KRT4: variants seen among roughly 807,000 people sequenced by gnomAD.
KRT4 encodes keratin 4.
Under a neutral mutation model 50.6 loss-of-function variants are expected in KRT4, and 47 were observed. That is an observed-to-expected ratio of 0.93 (90% CI 0.73 to 1.18). The LOEUF (loss-of-function observed/expected upper bound fraction) is 1.18. KRT4 is among the 50% of genes most tolerant of loss of function. The pLI, the probability that KRT4 is intolerant of heterozygous loss-of-function variation, is 0.00. For synonymous variants in KRT4, 254 were observed against 251.2 expected (o/e 1.01, Z -0.10); for missense variants, 651 against 645.7 (o/e 1.01, Z -0.09).
rs184774123 is a variant in KRT4 at position 52,813,014 on chromosome 12, C to T, written c.462+583G>A. Among the ~76,000 whole-genome samples, 110 of 152,218 alleles carry T rather than the reference C, an allele frequency of 7.2e-4. 1 individual carries two copies. Among genetic ancestry groups the T allele is most frequent in the African/African-American group, 2.6e-3 (107 of 41,522 alleles). On this transcript the variant is annotated intron_variant, in intron 1 of 8. Transcript: ENST00000551956. ...AGCTTAAAGAACTTGAACTTCTAGA[C>T]GTTGCATGAAAAAGGAAGTTGGGCT...
chr12:52,811,779 C>T lies in KRT4; in HGVS notation c.661G>A (p.Glu221Lys), dbSNP rs1220477899. 1 of 1,613,366 alleles carries T rather than the reference C, an allele frequency of 6.2e-7. No individual in the cohort carries two copies. Among genetic ancestry groups the T allele is most frequent in the Admixed American group, 1.7e-5 (1 of 60,020 alleles). Residue 221 changes from glutamate (E) to lysine (K), a missense_variant, in exon 2 of 9, where the codon GAG (glutamate) becomes AAG (lysine). By Grantham distance (56) the Glu-to-Lys change is moderately conservative. Coordinates refer to ENST00000551956, the MANE Select transcript of KRT4 (RefSeq NM_002272.4). Reference protein sequence around the residue: ...SELKTMQDSVEDFKTKYEEEI... With the variant: ...SELKTMQDSVKDFKTKYEEEI... ...CCCATGTACTTAGTCTTGAAGTCCTCCACGCTGTCCTGCATGGTCTTCAGC... is the reference window on the plus strand; with the variant it reads ...CCCATGTACTTAGTCTTGAAGTCCTTCACGCTGTCCTGCATGGTCTTCAGC...
chr12:52,811,044 A>G, intron 2 of KRT4: 1 of 536,530 alleles, frequency 1.9e-6, no homozygotes, highest in South Asian at 2.2e-5. Flanking sequence ...AACTTTAAAG[A>G]GACTGTTTTC....
intron 5 of KRT4, 72 bp from the exon 6 acceptor site, chr12:52,808,491 A>C: frequency 6.3e-7 from 1 of 1,599,442 alleles, no homozygotes; most frequent in Non-Finnish European, 8.6e-7. Flanking sequence ...AAGTGAACTC[A>C]GTGAGAATTG....
chr12:52,807,592 A>T, intron 7 of KRT4, 52 bp downstream of exon 7: 1 of 1,592,084 alleles, frequency 6.3e-7, no homozygotes. Context: ...AAATAAGCTC[A>T]TGGCCCTGGA....
At position 52,807,345 on chromosome 12, in the gene KRT4, T is replaced by C; in HGVS notation, c.1381+14A>G. The C allele has an allele frequency of 6.2e-7, 1 of 1,614,092 alleles. No individual in the cohort carries two copies. The highest frequency in any genetic ancestry group is 8.5e-7 in the Non-Finnish European group (1 of 1,180,006). Reference sequence around the variant, plus strand: ...GGTGAATGAACAACTACAGCAGGCGTGGAAGGTACTTACAGATGCTCACGG... The same window carrying C: ...GGTGAATGAACAACTACAGCAGGCGCGGAAGGTACTTACAGATGCTCACGG... On this transcript the variant is annotated intron_variant, in intron 8 of 8. Coordinates refer to ENST00000551956, the MANE Select transcript of KRT4 (RefSeq NM_002272.4).
chr12:52,808,508 G>T, intron 5 of KRT4, 89 bp from the exon 6 acceptor site: 2 of 1,585,558 alleles, frequency 1.3e-6, no homozygotes, highest in Non-Finnish European at 1.7e-6. Flanking sequence ...ATTGCCACAG[G>T]TGGCAAGAAT....
chr12:52,811,604 C>T, intron 2 of KRT4, 159 bp downstream of exon 2: 1 of 660,164 alleles, frequency 1.5e-6, no homozygotes, highest in East Asian at 2.7e-5. Context: ...AGACCTCACC[C>T]TGAGAAAACG....
rs1164099695 is a variant in KRT4, at chr12:52,813,587, C to T, written c.462+10G>A. The T allele has an allele frequency of 2.5e-6, 4 of 1,612,814 alleles. No homozygotes were observed. Among genetic ancestry groups the T allele is most frequent in the African/African-American group, 1.3e-5 (1 of 74,806 alleles). On this transcript the variant is annotated intron_variant, in intron 1 of 8. Transcript: ENST00000551956. Reference sequence around the variant, plus strand: ...CTAACTGCCCCTCTCCAGCCGAGGACACAGCTCACCTTGTCGATGAAGGAG... The same window carrying T: ...CTAACTGCCCCTCTCCAGCCGAGGATACAGCTCACCTTGTCGATGAAGGAG...
Position 52,808,799 on chromosome 12 carries a change from T to A in KRT4, c.886A>T (p.Met296Leu). Reference sequence around the variant, plus strand: ...AGGTCCAGGTTGCGGTTGTTGTCCATGGAAAGGACCACGGACGTGTCGCTG... The same window carrying A: ...AGGTCCAGGTTGCGGTTGTTGTCCAAGGAAAGGACCACGGACGTGTCGCTG... ...HVSDTSVVLS[M>L]DNNRNLDLDS... Residue 296 changes from methionine (M) to leucine (L), a missense_variant, in exon 5 of 9, where the codon ATG becomes TTG. Met to Leu is a conservative substitution (Grantham distance 15). Transcript: ENST00000551956. 6.2e-7 allele frequency: 1 copy of A among 1,614,174 alleles called. No individual in the cohort carries two copies.
At position 52,811,751 on chromosome 12, in the gene KRT4, C is replaced by T. The variant is rs1303268107; in HGVS notation, c.677+12G>A. The T allele has an allele frequency of 1.2e-6, 2 of 1,605,964 alleles. No individual in the cohort carries two copies. Among genetic ancestry groups the T allele is most frequent in the Middle Eastern group, 4.0e-4 (2 of 5,048 alleles). ...TGTGTCAGATGGCGTCCCCTCCTTCCTCCCCATGTACTTAGTCTTGAAGTC... is the reference window on the plus strand; with the variant it reads ...TGTGTCAGATGGCGTCCCCTCCTTCTTCCCCATGTACTTAGTCTTGAAGTC... On this transcript the variant is annotated intron_variant, in intron 2 of 8. Coordinates refer to ENST00000551956, the MANE Select transcript of KRT4 (RefSeq NM_002272.4).
intron 2 of KRT4, chr12:52,811,529 T>C (rs1939909757): frequency 1.8e-6 from 1 of 551,288 alleles, no homozygotes; most frequent in Non-Finnish European, 3.3e-6. Flanking sequence ...ATCTTGTTCG[T>C]ATATGGCAGA....
chr12:52,807,188 AC>A lies in KRT4; in HGVS notation c.1443del (p.Phe482LeufsTer3). ...GAGCCAAAGCCACTACTCAGGCCAAACCCGGAGCCACTTCCTAATCCTCCGC... is the reference window on the plus strand; with the variant it reads ...GAGCCAAAGCCACTACTCAGGCCAAACCGGAGCCACTTCCTAATCCTCCGC... ...GISGGLGSGSGFGLSSGFGSG... is the reference protein window; with the variant it reads ...GISGGLGSGSXFGLSSGFGSG... On this transcript the variant is annotated frameshift_variant, in exon 9 of 9. Transcript: ENST00000551956. LOFTEE classifies it low-confidence loss of function (END_TRUNC). 2 of 1,614,092 alleles carry A rather than the reference AC, an allele frequency of 1.2e-6. No homozygotes were observed. The highest frequency in any genetic ancestry group is 1.7e-6 in the Non-Finnish European group (2 of 1,179,998).
At position 52,808,688 on chromosome 12, in the gene KRT4, T is replaced by G; in HGVS notation, c.997A>C (p.Lys333Gln). The G allele has an allele frequency of 1.2e-6, 2 of 1,614,058 alleles. No individual in the cohort carries two copies. The highest frequency in any genetic ancestry group is 1.1e-5 in the South Asian group (1 of 91,080). The change falls in exon 5 of 9, where the codon AAG becomes CAG. Residue 333 changes from lysine (K) to glutamine (Q), a missense_variant and splice_region_variant. Coordinates refer to ENST00000551956, the MANE Select transcript of KRT4 (RefSeq NM_002272.4). ...KAEAEALYQT[K>Q]VQQLQISVDQ... Reference sequence around the variant, plus strand: ...CCTGAGAGATCCATACCACCCACCTTGGTCTGGTACAGGGCTTCAGCCTCA... The same window carrying G: ...CCTGAGAGATCCATACCACCCACCTGGGTCTGGTACAGGGCTTCAGCCTCA...
In KRT4 at chr12:52,813,714, G is replaced by A. The variant is rs774272642; in HGVS notation, c.345C>T (p.Asn115=). ...PAGGIQEVTI[N]QSLLTPLHVE... is the part of the protein sequence containing the mutation. ...CGTGGAGGGGGGTGAGCAAGCTCTG[G>A]TTGATGGTGACCTCCTGAATTCCCC... Residue 115 remains asparagine (N), a synonymous_variant, in exon 1 of 9, where the codon AAC becomes AAT. Coordinates refer to ENST00000551956, the MANE Select transcript of KRT4 (RefSeq NM_002272.4). 6.2e-7 allele frequency: 1 copy of A among 1,614,024 alleles called. No individual in the cohort carries two copies. Among genetic ancestry groups the A allele is most frequent in the African/African-American group, 1.3e-5 (1 of 74,936 alleles).
chr12:52,806,934 G>C lies in KRT4; in HGVS notation c.*135C>G. ...ACAGAAGATCATCCTGGGGCAGAGAGAGCCCATGGGATAGTGGAGGGGATA... is the reference window on the plus strand; with the variant it reads ...ACAGAAGATCATCCTGGGGCAGAGACAGCCCATGGGATAGTGGAGGGGATA... On this transcript the variant is annotated 3_prime_UTR_variant, in exon 9 of 9. Transcript: ENST00000551956. The C allele has an allele frequency of 1.2e-6, 1 of 856,126 alleles. No homozygotes were observed. The allele number at this position is 856,126 out of a possible 1,614,324, so 53.0% of individuals were successfully genotyped here. A position where few individuals can be genotyped will look rare whatever the true frequency, so the allele number is the denominator to read the frequency against.
At chr12:52,812,727 T>C (rs1939934015) in intron 1 of KRT4, among the ~76,000 whole-genome samples, 1 of 152,258 alleles carries the variant, frequency 6.6e-6, no homozygotes, top group Non-Finnish European at 1.5e-5. Flanking sequence ...CACATCTGCA[T>C]GTCCTATAGT....
At position 52,807,827 on chromosome 12, in the gene KRT4, T is replaced by A. The variant is rs1939828728; in HGVS notation, c.1163A>T (p.Gln388Leu). ...TLQVSVADAE[Q>L]RGENALKDAH... is the part of the protein sequence containing the mutation. ...ATCTTTAAGGGCATTCTCACCTCGC[T>A]GCTCTGCATCAGCCACGGATACCTG... is the stretch of plus-strand genomic sequence containing the variant. The change falls in exon 7 of 9, where the codon CAG becomes CTG. Residue 388 changes from glutamine (Q) to leucine (L), a missense_variant. By Grantham distance (113) the Gln-to-Leu change is moderately radical (BLOSUM62 -2). Transcript: ENST00000551956. The A allele has an allele frequency of 1.2e-6, 2 of 1,614,134 alleles. No homozygotes were observed. Among genetic ancestry groups the A allele is most frequent in the Non-Finnish European group, 1.7e-6 (2 of 1,180,048 alleles).
Position 52,808,690 on chromosome 12 carries a change from G to A in KRT4, c.995C>T (p.Thr332Ile). 1.2e-6 allele frequency: 2 copies of A among 1,614,164 alleles called. No individual in the cohort carries two copies. The highest frequency in any genetic ancestry group is 1.7e-6 in the Non-Finnish European group (2 of 1,180,022). ...TGAGAGATCCATACCACCCACCTTGGTCTGGTACAGGGCTTCAGCCTCAGC... is the reference window on the plus strand; with the variant it reads ...TGAGAGATCCATACCACCCACCTTGATCTGGTACAGGGCTTCAGCCTCAGC... Reference protein sequence around the residue: ...SKAEAEALYQTKVQQLQISVD... With the variant: ...SKAEAEALYQIKVQQLQISVD... Residue 332 changes from threonine to isoleucine, a missense_variant, in exon 5 of 9, where the codon ACC becomes ATC. Thr to Ile is a moderately conservative substitution (Grantham distance 89, BLOSUM62 -1). Coordinates refer to ENST00000551956, the MANE Select transcript of KRT4 (RefSeq NM_002272.4).
chr12:52,808,479 T>C, intron 5 of KRT4, 60 bp from the exon 6 acceptor site: 1 of 1,608,496 alleles, frequency 6.2e-7, no homozygotes, highest in Non-Finnish European at 8.5e-7. Context: ...GGGTCCATTC[T>C]CAAGTGAACT....
Sources: allele counts gnomAD v4.1 joint callset (sites outside exome capture counted in the v4.1 genomes callset), GRCh38; gene constraint gnomAD v4.1.1; transcripts MANE v1.5; gene names NCBI Gene and HGNC (gene_info 2026-07-23, HGNC 2026-07-21).